The following ANKRD26 variants were observed in gnomAD, a reference collection of about 807,000 sequenced individuals.
ANKRD26 encodes the protein ankyrin repeat domain-containing protein 26.
In ANKRD26, 141 loss-of-function variants were observed where a neutral mutation model predicts 208.7. That is an observed-to-expected ratio of 0.68 (90% CI 0.59 to 0.78). ANKRD26 has a LOEUF of 0.78. Among genes scored for constraint, ANKRD26 ranks in the 30% least tolerant of loss-of-function variants. The pLI, the probability that ANKRD26 is intolerant of heterozygous loss-of-function variation, is 0.00. For synonymous variants in ANKRD26, 636 were observed against 660.4 expected (o/e 0.96, Z 0.57); for missense variants, 1,889 against 1,938.7 (o/e 0.97, Z 0.48).
At chr10:27,038,156 T>C in intron 21 of ANKRD26, 102 bp from the exon 22 acceptor site, 1 of 915,600 alleles carries the variant, frequency 1.1e-6, no homozygotes, top group Non-Finnish European at 1.7e-6. Flanking sequence ...CCTAATACAA[T>C]TTCTATGTTC....
chr10:26,997,220 T>C (rs986230271), intron 4 of ANKRD26, among the ~76,000 whole-genome samples: 11 of 152,212 alleles, frequency 7.2e-5, no homozygotes, highest in Non-Finnish European at 1.5e-4. Context: ...CTGTAAGGTA[T>C]AGGTTTTGAT....
chr10:27,030,490 T>G (rs72807628), intron 25 of ANKRD26: 50,745 of 985,416 alleles, frequency 0.051, 1,472 homozygotes, highest in Middle Eastern at 0.073. Flanking sequence ...CTGAGCTGCT[T>G]TAGCGAGCAC....
downstream of ANKRD26, among the ~76,000 whole-genome samples, chr10:26,969,610 C>T (rs745488601): frequency 6.6e-6 from 1 of 152,150 alleles, no homozygotes; most frequent in African/African-American, 2.4e-5. Flanking sequence ...CATTCAGCTT[C>T]CAAGTCACTA....
At chr10:27,051,000 G>T in intron 16 of ANKRD26, 1 of 1,153,304 alleles carries the variant, frequency 8.7e-7, no homozygotes, top group Non-Finnish European at 1.1e-6. Flanking sequence ...CAGAAAATCA[G>T]AATGGATCAA....
intron 5 of ANKRD26, among the ~76,000 whole-genome samples, chr10:26,977,546 C>T (rs1057292286): frequency 6.6e-6 from 1 of 152,120 alleles, no homozygotes; most frequent in African/African-American, 2.4e-5. Flanking sequence ...GGATAAAATA[C>T]AGATAAAAAT....
chr10:27,020,958 G>A (rs972129156), intron 29 of ANKRD26, among the ~76,000 whole-genome samples: 1 of 151,252 alleles, frequency 6.6e-6, no homozygotes, highest in East Asian at 2.0e-4. Flanking sequence ...ACCGTACCCA[G>A]CCACCAAATC....
intron 11 of ANKRD26, among the ~76,000 whole-genome samples, chr10:27,064,970 C>T (rs961275223): frequency 2.6e-5 from 4 of 152,158 alleles, no homozygotes; most frequent in Admixed American, 2.6e-4. Flanking sequence ...GATGGTTACC[C>T]CGCTTCCTGC....
chr10:27,042,667 A>G (rs569153822), intron 20 of ANKRD26, among the ~76,000 whole-genome samples: 1 of 151,882 alleles, frequency 6.6e-6, no homozygotes, highest in Non-Finnish European at 1.5e-5. Context: ...GCAGGAGAAT[A>G]GCGTGAACCC....
downstream of ANKRD26, among the ~76,000 whole-genome samples, chr10:26,972,122 C>A (rs562899774): frequency 6.6e-6 from 1 of 151,654 alleles, no homozygotes. Flanking sequence ...GTAGTCCCAG[C>A]TACTCGGGAG....
At chr10:27,019,107 C>A (rs1005549761) in intron 29 of ANKRD26, among the ~76,000 whole-genome samples, 5 of 151,842 alleles carry the variant, frequency 3.3e-5, no homozygotes, top group Non-Finnish European at 5.9e-5. Flanking sequence ...GGTGAAACCC[C>A]ATCTCTACTA....
Position 27,040,170 on chromosome 10 carries a change from T to C in ANKRD26, c.2170A>G (p.Ser724Gly). ...GCTGCATCCTGGATTTTCAATAGGC[T>C]AACAGAATCTGTATCAGGAAGAAAA... ...QLGMECKDSV[S>G]LLKIQDAALS... is the part of the protein sequence containing the mutation. Residue 724 changes from serine to glycine, a missense_variant, in exon 21 of 34, where the codon AGC (serine) becomes GGC (glycine). This residue lies in a region of ANKRD26 where 1,272 missense variants were observed against 1,273.8 expected (regional missense o/e 1.00). Coordinates refer to ENST00000376087, the MANE Select transcript of ANKRD26 (RefSeq NM_014915.3). 1 of 1,609,192 alleles carries C rather than the reference T, an allele frequency of 6.2e-7. No homozygotes were observed. Among genetic ancestry groups the C allele is most frequent in the Non-Finnish European group, 8.5e-7 (1 of 1,176,610 alleles).
At chr10:27,036,399 T>C (rs1218762406) in intron 23 of ANKRD26, among the ~76,000 whole-genome samples, 1 of 152,038 alleles carries the variant, frequency 6.6e-6, no homozygotes, top group South Asian at 2.1e-4. Context: ...ACTCTATTTA[T>C]AGTGTTCTTT....
intron 5 of ANKRD26, among the ~76,000 whole-genome samples, chr10:26,993,114 A>G (rs1564336876): frequency 6.6e-6 from 1 of 152,184 alleles, no homozygotes; most frequent in Non-Finnish European, 1.5e-5. Context: ...AAGCTAAGTG[A>G]TCATACCATT....
At chr10:27,044,677 T>C (rs1019025074) in intron 18 of ANKRD26, among the ~76,000 whole-genome samples, 1 of 152,186 alleles carries the variant, frequency 6.6e-6, no homozygotes, top group African/African-American at 2.4e-5. Context: ...GCAGGTACTA[T>C]GCATTATCCT....
chr10:27,062,802 C>G (rs2135461280), intron 12 of ANKRD26, among the ~76,000 whole-genome samples: 1 of 148,012 alleles, frequency 6.8e-6, no homozygotes, highest in African/African-American at 2.5e-5. Context: ...GAATCTTGCT[C>G]TGTTGCCCAG....
chr10:26,966,347 G>A, the ANKRD26 span, among the ~76,000 whole-genome samples: 5 of 152,112 alleles, frequency 3.3e-5, no homozygotes, highest in South Asian at 2.1e-4. Flanking sequence ...TGGATGAAGC[G>A]GGAAGCCATT....
At chr10:27,047,902 C>A (rs371372122) in intron 17 of ANKRD26, among the ~76,000 whole-genome samples, 1 of 151,884 alleles carries the variant, frequency 6.6e-6, no homozygotes, top group South Asian at 2.1e-4. Context: ...TGCCACCATG[C>A]CTGCCTAATT....
intron 29 of ANKRD26, among the ~76,000 whole-genome samples, chr10:27,021,914 G>A (rs1020903432): frequency 6.6e-6 from 1 of 152,000 alleles, no homozygotes; most frequent in Non-Finnish European, 1.5e-5. Flanking sequence ...GTAAATTTGT[G>A]TAAGTTCCTT....
chr10:26,997,291 G>C (rs544656213), intron 4 of ANKRD26, among the ~76,000 whole-genome samples: 9 of 152,272 alleles, frequency 5.9e-5, no homozygotes, highest in African/African-American at 2.2e-4. Flanking sequence ...ATTACTCTGA[G>C]AAATGGGATT....
Sources: gnomAD v4.1 joint callset for allele counts (sites outside exome capture counted in the v4.1 genomes callset) on GRCh38, gnomAD v4.1.1 for gene constraint, gnomAD v4.1.1 regional missense constraint, MANE v1.5 for transcripts, NCBI Gene and HGNC (gene_info 2026-07-23, HGNC 2026-07-21) for gene names.